ATRN: variants seen among roughly 807,000 people sequenced by gnomAD.
ATRN encodes the protein attractin-2.
Under a neutral mutation model 178.7 loss-of-function variants are expected in ATRN, and 54 were observed. The observed-to-expected ratio is 0.30, with a 90% CI of 0.24 to 0.38. The LOEUF is 0.38. Among genes scored for constraint, ATRN ranks in the 10% least tolerant of loss-of-function variants. ATRN has a pLI of 1.00. For synonymous variants in ATRN, 636 were observed against 663.0 expected, an observed-to-expected ratio of 0.96 and a Z score of 0.63; for missense variants, 1,443 against 1,815.1, an observed-to-expected ratio of 0.79 and a Z score of 3.73.
chr20:3,492,168 AGTGTGTGTGTGTGTGTGTGT>A (rs58489496), intron 1 of ATRN, among the ~76,000 whole-genome samples: 1 of 140,588 alleles, frequency 7.1e-6, no homozygotes, highest in Non-Finnish European at 1.5e-5. Flanking sequence ...TAGATAGGGG[AGTGTGTGTGTGTGTGTGTGT>A]GTGTGTGTGT....
At chr20:3,595,891 A>T (rs2086521995) in intron 20 of ATRN, among the ~76,000 whole-genome samples, 1 of 151,962 alleles carries the variant, frequency 6.6e-6, no homozygotes, top group African/African-American at 2.4e-5. Context: ...AGTAGAACAT[A>T]TTTTTTTTCT....
intron 1 of ATRN, among the ~76,000 whole-genome samples, chr20:3,530,556 A>G (rs1026192010): frequency 6.6e-6 from 1 of 151,696 alleles, no homozygotes; most frequent in African/African-American, 2.4e-5. Flanking sequence ...TGGGGATTAC[A>G]GGTGTGAGCC....
chr20:3,585,493 A>G (rs2146263103), intron 18 of ATRN, among the ~76,000 whole-genome samples: 1 of 152,288 alleles, frequency 6.6e-6, no homozygotes, highest in South Asian at 2.1e-4. Context: ...CCAGGAACCA[A>G]TTTTTTGTCT....
chr20:3,604,089 G>T lies in ATRN; in HGVS notation c.3644-16G>T. On this transcript the variant is annotated splice_polypyrimidine_tract_variant and intron_variant, in intron 23 of 28. Coordinates refer to ENST00000262919, the MANE Select transcript of ATRN (RefSeq NM_139321.3). ...CCAAAAAATGTCTCTTCTCTTTCAT[G>T]TTTTTCTTTTAACAGCTGGAACCCA... 3.2e-6 allele frequency: 5 copies of T among 1,563,760 alleles called. No homozygotes were observed. The East Asian group carries it at 1.1e-4, about 35-fold the overall frequency.
chr20:3,491,948 T>G (rs2084800145), intron 1 of ATRN, among the ~76,000 whole-genome samples: 2 of 152,192 alleles, frequency 1.3e-5, no homozygotes, highest in Non-Finnish European at 2.9e-5. Context: ...TCAGGATCCT[T>G]AAACTTCTTT....
At position 3,648,781 on chromosome 20, in the gene ATRN, C is replaced by T. The variant is rs765216823; in HGVS notation, c.*1934C>T. 3 of 152,228 alleles carry T rather than the reference C, an allele frequency of 2.0e-5. No individual in the cohort carries two copies. The highest frequency in any genetic ancestry group is 4.4e-5 in the Non-Finnish European group (3 of 68,056). The allele number at this position is 152,228 out of a possible 1,614,324, so 9.4% of individuals were successfully genotyped here. A position where few individuals can be genotyped will look rare whatever the true frequency, so the allele number is the denominator to read the frequency against. ...CCTCTCATGAGCTCCCCCATCCCTG[C>T]TACAGAACACAGCACCCATGGCGCC... is the stretch of plus-strand genomic sequence containing the variant. On this transcript the variant is annotated 3_prime_UTR_variant, in exon 29 of 29. Transcript: ENST00000262919.
chr20:3,570,973 A>G (rs901224076), intron 11 of ATRN, among the ~76,000 whole-genome samples: 2 of 152,170 alleles, frequency 1.3e-5, no homozygotes, highest in Admixed American at 6.5e-5. Flanking sequence ...TGTGTGTTTG[A>G]CCTTCTAGTT....
chr20:3,471,158 G>A lies in ATRN; in HGVS notation c.51G>A (p.Ala17=). The change falls in exon 1 of 29, where the codon GCG becomes GCA. Residue 17 remains alanine, a synonymous_variant. Coordinates refer to ENST00000262919, the MANE Select transcript of ATRN (RefSeq NM_139321.3). The stretch of plus-strand genomic sequence containing the variant: ...AGGCAAGGCTGAGGAGGAGGACGGC[G>A]GCGACGGCAGCGCTCGCGGGCAGGA... ...ATEARLRRRT[A]ATAALAGRSG... 1 of 1,506,460 alleles carries A rather than the reference G, an allele frequency of 6.6e-7. No individual in the cohort carries two copies. The highest frequency in any genetic ancestry group is 8.8e-7 in the Non-Finnish European group (1 of 1,134,394). The allele number at this position is 1,506,460 out of a possible 1,614,324, so 93.3% of individuals were successfully genotyped here.
At chr20:3,530,770 A>G (rs1376288266) in intron 1 of ATRN, among the ~76,000 whole-genome samples, 2 of 152,136 alleles carry the variant, frequency 1.3e-5, no homozygotes, top group Non-Finnish European at 2.9e-5. Flanking sequence ...TTGACCATAA[A>G]GAAAATCTTA....
chr20:3,577,547 G>A (rs1287907273), intron 14 of ATRN, among the ~76,000 whole-genome samples: 3 of 152,148 alleles, frequency 2.0e-5, no homozygotes, highest in African/African-American at 4.8e-5. Context: ...GATATATTTG[G>A]ACCAGGGTGG....
chr20:3,552,196 G>A (rs1568724665), intron 6 of ATRN, among the ~76,000 whole-genome samples: 1 of 151,946 alleles, frequency 6.6e-6, no homozygotes, highest in Non-Finnish European at 1.5e-5. Context: ...GTCAGACCAG[G>A]GCTTAACCCT....
intron 25 of ATRN, among the ~76,000 whole-genome samples, chr20:3,628,098 GGAGGCA>G (rs2086958285): frequency 6.6e-6 from 1 of 152,186 alleles, no homozygotes; most frequent in Non-Finnish European, 1.5e-5. Context: ...CGTGAACCTG[GGAGGCA>G]GAGCTTGCTG....
chr20:3,601,092 T>C (rs1213716253), intron 23 of ATRN, 68 bp downstream of exon 23: 1 of 1,429,764 alleles, frequency 7.0e-7, no homozygotes, highest in East Asian at 2.3e-5. Flanking sequence ...AATATAGGAA[T>C]TGAGAAAGCG....
intron 14 of ATRN, among the ~76,000 whole-genome samples, chr20:3,577,501 A>G (rs1600123956): frequency 6.6e-6 from 1 of 152,146 alleles, no homozygotes; most frequent in East Asian, 1.9e-4. Context: ...GAGGTTCAGG[A>G]TGATGAACTC....
chr20:3,494,786 A>C (rs1421560690), intron 1 of ATRN, among the ~76,000 whole-genome samples: 1 of 152,196 alleles, frequency 6.6e-6, no homozygotes. Flanking sequence ...TGGTAGATGA[A>C]GCCACGGATG....
intron 1 of ATRN, among the ~76,000 whole-genome samples, chr20:3,501,476 A>G (rs1186005624): frequency 6.6e-6 from 1 of 152,168 alleles, no homozygotes; most frequent in Non-Finnish European, 1.5e-5. Context: ...ATGCTATAAG[A>G]TGATCCTGGG....
intron 24 of ATRN, among the ~76,000 whole-genome samples, chr20:3,620,175 C>A (rs2146311526): frequency 6.6e-6 from 1 of 151,966 alleles, no homozygotes; most frequent in East Asian, 1.9e-4. Context: ...CAATGCAGTT[C>A]CTGAAATGCT....
At chr20:3,630,726 T>C (rs1349197506) in intron 25 of ATRN, among the ~76,000 whole-genome samples, 1 of 152,138 alleles carries the variant, frequency 6.6e-6, no homozygotes, top group African/African-American at 2.4e-5. Flanking sequence ...CAAGGACAGA[T>C]GGCATTTTCA....
chr20:3,540,158 A>T, intron 2 of ATRN, 64 bp from the exon 3 acceptor site: 1 of 939,030 alleles, frequency 1.1e-6, no homozygotes, highest in Non-Finnish European at 1.6e-6. Flanking sequence ...CTGAATTTTT[A>T]TATTCTCAAA....
Sources: gnomAD v4.1 joint callset for allele counts (sites outside exome capture counted in the v4.1 genomes callset) on GRCh38, gnomAD v4.1.1 for gene constraint, MANE v1.5 for transcripts, NCBI Gene and HGNC (gene_info 2026-07-23, HGNC 2026-07-21) for gene names.